The following ENOSF1 variants were observed in gnomAD, a reference collection of about 807,000 sequenced individuals.
ENOSF1 encodes mitochondrial enolase superfamily member 1.
ENOSF1 carries 73 observed loss-of-function variants against 68.2 expected under a neutral mutation model. The ratio of observed to expected loss-of-function variants is 1.07; its 90% CI spans 0.89 to 1.30. The LOEUF is 1.30. Among genes scored for constraint, ENOSF1 ranks in the 50% most tolerant of loss-of-function variants. The pLI, the probability that ENOSF1 is intolerant of heterozygous loss-of-function variation, is 0.00. For synonymous variants in ENOSF1, 223 were observed against 210.4 expected (o/e 1.06, Z -0.52); for missense variants, 589 against 554.5 (o/e 1.06, Z -0.62).
At chr18:685,047 A>C (rs1025697597) in intron 10 of ENOSF1, among the ~76,000 whole-genome samples, 1 of 151,462 alleles carries the variant, frequency 6.6e-6, no homozygotes, top group Non-Finnish European at 1.5e-5. Context: ...TCTTTCTTTT[A>C]GAGAGAGAGT....
intron 10 of ENOSF1, among the ~76,000 whole-genome samples, chr18:684,277 G>A (rs2076411011): frequency 6.6e-6 from 1 of 152,078 alleles, no homozygotes; most frequent in African/African-American, 2.4e-5. Context: ...TTACAGCCAT[G>A]AGCCACTGCA....
intron 3 of ENOSF1, among the ~76,000 whole-genome samples, chr18:696,490 A>C (rs949818973): frequency 6.6e-5 from 10 of 151,242 alleles, no homozygotes; most frequent in Admixed American, 1.3e-4. Context: ...GGATTACAGG[A>C]GTGAGCCACC....
chr18:698,656 T>G (rs546818418), intron 2 of ENOSF1, among the ~76,000 whole-genome samples: 2 of 152,292 alleles, frequency 1.3e-5, no homozygotes, highest in Non-Finnish European at 2.9e-5. Flanking sequence ...GGTTTCACTC[T>G]GTCACCCAGC....
chr18:694,989 A>G (rs187990696), intron 3 of ENOSF1, among the ~76,000 whole-genome samples: 32 of 152,338 alleles, frequency 2.1e-4, no homozygotes, highest in African/African-American at 7.7e-4. Flanking sequence ...CCGTAGTACA[A>G]TAATCACACT....
At chr18:697,438 A>C in intron 2 of ENOSF1, 83 bp from the exon 3 acceptor site, 5 of 1,065,966 alleles carry the variant, frequency 4.7e-6, no homozygotes, top group Non-Finnish European at 7.1e-6. Context: ...AAACAAACAA[A>C]TGTGAAAGTT....
At chr18:684,432 G>A (rs1201746602) in intron 10 of ENOSF1, among the ~76,000 whole-genome samples, 1 of 152,028 alleles carries the variant, frequency 6.6e-6, no homozygotes, top group Non-Finnish European at 1.5e-5. Context: ...GGGGGTTGAG[G>A]TGGGAGGATC....
chr18:693,540 G>C (rs1345326377), intron 5 of ENOSF1: 1 of 985,184 alleles, frequency 1.0e-6, no homozygotes, highest in East Asian at 1.1e-4. Flanking sequence ...TTTTCTCATT[G>C]ATCTTTAATT....
intron 5 of ENOSF1, chr18:692,739 G>A (rs1437816804): frequency 4.9e-5 from 49 of 992,582 alleles, no homozygotes; most frequent in Non-Finnish European, 5.9e-5. Flanking sequence ...CCTTTTGGTG[G>A]CTACCTCCTC....
chr18:693,264 A>G (rs2077384273), intron 5 of ENOSF1: 1 of 1,286,374 alleles, frequency 7.8e-7, no homozygotes, highest in Non-Finnish European at 1.0e-6. Context: ...GGAATTGTAC[A>G]GTAGAGGCTA....
At chr18:674,680 G>A (rs964237007) in intron 15 of ENOSF1, among the ~76,000 whole-genome samples, 3 of 151,942 alleles carry the variant, frequency 2.0e-5, no homozygotes, top group African/African-American at 4.8e-5. Flanking sequence ...CACCATGCCC[G>A]GCTAATTTTT....
At chr18:668,147 ATGTG>A (rs1260837450), downstream of ENOSF1, among the ~76,000 whole-genome samples, 3 of 152,000 alleles carry the variant, frequency 2.0e-5, no homozygotes, top group Non-Finnish European at 4.4e-5. Flanking sequence ...GCACTTGTGT[ATGTG>A]TGTATTTGCA....
intron 3 of ENOSF1, 30 bp downstream of exon 3, chr18:697,210 T>C (rs777799236): frequency 7.5e-6 from 11 of 1,460,820 alleles, no homozygotes; most frequent in African/African-American, 1.4e-5. Context: ...ATATTACTTA[T>C]GTAAGCATTT....
intron 2 of ENOSF1, among the ~76,000 whole-genome samples, chr18:704,440 G>GAAAAGAA (rs1555671902): frequency 3.8e-4 from 37 of 97,240 alleles, no homozygotes; most frequent in African/African-American, 1.3e-3. Flanking sequence ...AAAAAGAAAA[G>GAAAAGAA]AAAAAAAAAA....
intron 3 of ENOSF1, among the ~76,000 whole-genome samples, chr18:695,235 C>G (rs187803448): frequency 2.0e-4 from 31 of 152,304 alleles, no homozygotes; most frequent in African/African-American, 7.2e-4. Context: ...ATTTGTACAG[C>G]ATTCCTCAAT....
chr18:688,642 G>T (rs1180516225), intron 8 of ENOSF1, 34 bp from the exon 9 acceptor site: 2 of 1,597,250 alleles, frequency 1.3e-6, no homozygotes, highest in Non-Finnish European at 1.7e-6. Context: ...ACACACTGGA[G>T]AGAGCCCCTT....
Position 691,275 on chromosome 18 carries a change from T to A in ENOSF1, c.425A>T (p.Asp142Val). 6.2e-7 allele frequency: 1 copy of A among 1,613,498 alleles called. No individual in the cohort carries two copies. The highest frequency in any genetic ancestry group is 8.5e-7 in the Non-Finnish European group (1 of 1,179,630). The change falls in exon 6 of 16, where the codon GAT becomes GTT. Residue 142 changes from aspartate (D) to valine (V), a missense_variant and splice_region_variant. Physicochemically the swap from Asp to Val is radical, Grantham distance 152. Transcript: ENST00000647584. ...TATGCAGGATACCAGCATCCTGGGA[T>A]CCTGGCAACGTGACAGGAGGGGAAG... is the stretch of plus-strand genomic sequence containing the variant. The part of the protein sequence containing the change: ...KPVWKLLVDM[D>V]PRMLVSCIDF...
At chr18:665,765 G>A (rs2074806136), downstream of ENOSF1, among the ~76,000 whole-genome samples, 1 of 97,132 alleles carries the variant, frequency 1.0e-5, no homozygotes, top group South Asian at 3.4e-4. Flanking sequence ...CCTTCATTTC[G>A]TTATGTACCC....
chr18:693,714 C>T (rs2077435567), intron 5 of ENOSF1, 168 bp downstream of exon 5: 9 of 985,158 alleles, frequency 9.1e-6, no homozygotes, highest in Admixed American at 6.2e-5. Context: ...CCATCTGTTA[C>T]GTCAGATATC....
chr18:701,756 CAAA>C (rs71174274), intron 2 of ENOSF1, among the ~76,000 whole-genome samples: 2 of 136,944 alleles, frequency 1.5e-5, no homozygotes, highest in Admixed American at 7.4e-5. Flanking sequence ...GACTCCATCT[CAAA>C]AAAAAAAAAA....
Sources: gnomAD v4.1 joint callset for allele counts (sites outside exome capture counted in the v4.1 genomes callset) on GRCh38, gnomAD v4.1.1 for gene constraint, MANE v1.5 for transcripts, NCBI Gene and HGNC (gene_info 2026-07-23, HGNC 2026-07-21) for gene names.